Variants in IL12RB2 observed in about 807,000 individuals in gnomAD.
IL12RB2 encodes interleukin-12 receptor subunit beta-2.
A neutral mutation model predicts 89.4 loss-of-function variants in IL12RB2; 82 were observed. The ratio of observed to expected loss-of-function variants is 0.92; its 90% CI spans 0.77 to 1.10. IL12RB2 has a LOEUF of 1.10. Ranked by LOEUF, IL12RB2 falls within the 50% of genes least tolerant of loss-of-function variation. The pLI, the probability that IL12RB2 is intolerant of heterozygous loss-of-function variation, is 0.00. For synonymous variants in IL12RB2, 368 were observed against 370.1 expected (o/e 0.99, Z 0.07); for missense variants, 963 against 1,031.9 (o/e 0.93, Z 0.92).
intron 14 of IL12RB2, among the ~76,000 whole-genome samples, chr1:67,381,072 C>A (rs1362976848): frequency 6.6e-6 from 1 of 152,032 alleles, no homozygotes; most frequent in Non-Finnish European, 1.5e-5. Context: ...TTATACCTAC[C>A]CCATCCTACC....
At chr1:67,330,162 G>T (rs1461787807) in intron 7 of IL12RB2, among the ~76,000 whole-genome samples, 1 of 151,854 alleles carries the variant, frequency 6.6e-6, no homozygotes, top group Non-Finnish European at 1.5e-5. Context: ...AAAGGTATAG[G>T]ATTATGATTC....
chr1:67,312,301 T>C (rs1250103188), intron 1 of IL12RB2, among the ~76,000 whole-genome samples: 2 of 152,208 alleles, frequency 1.3e-5, no homozygotes, highest in Admixed American at 6.5e-5. Context: ...CGAAGCTTTA[T>C]TGAACACTTG....
intron 9 of IL12RB2, among the ~76,000 whole-genome samples, chr1:67,346,978 T>C (rs960388831): frequency 2.0e-5 from 3 of 152,210 alleles, no homozygotes; most frequent in African/African-American, 7.2e-5. Context: ...AGTCTTAACA[T>C]GTGCCAAGCA....
At chr1:67,366,097 T>A (rs1662632346) in intron 10 of IL12RB2, among the ~76,000 whole-genome samples, 1 of 151,990 alleles carries the variant, frequency 6.6e-6, no homozygotes, top group African/African-American at 2.4e-5. Flanking sequence ...GAATTGGCAG[T>A]TCATGGAAGG....
At chr1:67,342,209 GT>G (rs962799273) in intron 9 of IL12RB2, among the ~76,000 whole-genome samples, 78 of 150,580 alleles carry the variant, frequency 5.2e-4, no homozygotes, top group Admixed American at 1.3e-3. Flanking sequence ...TGTTTTTTGG[GT>G]TTTTTTTGTT....
intron 15 of IL12RB2, among the ~76,000 whole-genome samples, chr1:67,389,336 T>TA (rs1557479475): frequency 9.7e-5 from 10 of 102,772 alleles, no homozygotes; most frequent in Non-Finnish European, 1.2e-4. Flanking sequence ...AAGCATACTT[T>TA]TAAAAAAAAA....
At chr1:67,386,911 T>A (rs1665248435) in intron 15 of IL12RB2, among the ~76,000 whole-genome samples, 1 of 140,630 alleles carries the variant, frequency 7.1e-6, no homozygotes, top group Non-Finnish European at 1.5e-5. Flanking sequence ...TATATATATA[T>A]ATATATTCTT....
chr1:67,366,287 A>G (rs533185949), intron 10 of IL12RB2, among the ~76,000 whole-genome samples: 4 of 152,022 alleles, frequency 2.6e-5, no homozygotes, highest in South Asian at 2.1e-4. Context: ...CCTCGTCTCT[A>G]CCAAAAATAC....
intron 1 of IL12RB2, among the ~76,000 whole-genome samples, chr1:67,309,085 T>C (rs1042228421): frequency 2.0e-5 from 3 of 151,702 alleles, no homozygotes; most frequent in South Asian, 2.1e-4. Flanking sequence ...CACATATATA[T>C]ATAAAGAATA....
intron 13 of IL12RB2, among the ~76,000 whole-genome samples, chr1:67,374,472 T>C (rs1050163916): frequency 6.6e-6 from 1 of 151,982 alleles, no homozygotes; most frequent in Non-Finnish European, 1.5e-5. Flanking sequence ...ATGGTCTGTT[T>C]ATTCTTTTTT....
At chr1:67,353,902 G>T (rs1334618558) in intron 10 of IL12RB2, among the ~76,000 whole-genome samples, 1 of 152,108 alleles carries the variant, frequency 6.6e-6, no homozygotes, top group Non-Finnish European at 1.5e-5. Context: ...CCCATTCCAG[G>T]TTCCTTAGTT....
At chr1:67,390,453 TCC>T (rs1491559823) in intron 16 of IL12RB2, among the ~76,000 whole-genome samples, 1 of 133,736 alleles carries the variant, frequency 7.5e-6, no homozygotes, top group Non-Finnish European at 1.6e-5. Flanking sequence ...AAGCAAACTT[TCC>T]TTTTTTTTTT....
chr1:67,376,007 T>C (rs1663940902), intron 13 of IL12RB2, among the ~76,000 whole-genome samples: 2 of 151,962 alleles, frequency 1.3e-5, no homozygotes, highest in Admixed American at 1.3e-4. Flanking sequence ...CCACCAAGCC[T>C]GGCTAATTTT....
At chr1:67,340,825 A>G (rs1319169461) in intron 9 of IL12RB2, among the ~76,000 whole-genome samples, 1 of 152,084 alleles carries the variant, frequency 6.6e-6, no homozygotes, top group African/African-American at 2.4e-5. Context: ...CCCTGATTTT[A>G]TTTCTATCTT....
chr1:67,386,404 G>T lies in IL12RB2; in HGVS notation c.1856-175G>T, dbSNP rs1340142891. On this transcript the variant is annotated intron_variant, in intron 14 of 16. Coordinates refer to ENST00000674203, the MANE Select transcript of IL12RB2 (RefSeq NM_001374259.2). ...GAGCTCCTCTTGGAACCATAGAATT[G>T]GTCCCCTTAGGGTCCCATTTCCCGC... is the stretch of plus-strand genomic sequence containing the variant. 2.0e-5 allele frequency among the ~76,000 whole-genome samples: 3 copies of T among 151,958 alleles called. No homozygotes were observed. The highest frequency in any genetic ancestry group is 7.3e-5 in the African/African-American group (3 of 41,350).
At chr1:67,311,564 C>T (rs1418647106) in intron 1 of IL12RB2, among the ~76,000 whole-genome samples, 1 of 152,142 alleles carries the variant, frequency 6.6e-6, no homozygotes, top group Non-Finnish European at 1.5e-5. Flanking sequence ...ATGCTTTGCA[C>T]AGTGATAAAC....
At chr1:67,312,060 A>G (rs1655137176) in intron 1 of IL12RB2, among the ~76,000 whole-genome samples, 1 of 152,216 alleles carries the variant, frequency 6.6e-6, no homozygotes, top group African/African-American at 2.4e-5. Context: ...AAGAAAAGTT[A>G]GTGAAAGAGG....
chr1:67,363,816 T>A (rs1400253536), intron 10 of IL12RB2, among the ~76,000 whole-genome samples: 1 of 152,110 alleles, frequency 6.6e-6, no homozygotes, highest in East Asian at 1.9e-4. Flanking sequence ...AAAACCATTT[T>A]AAAAGAAATA....
chr1:67,342,047 C>T (rs911229224), intron 9 of IL12RB2, among the ~76,000 whole-genome samples: 1 of 152,162 alleles, frequency 6.6e-6, no homozygotes, highest in Non-Finnish European at 1.5e-5. Flanking sequence ...CACTCTCAGG[C>T]AGGCTTGGGA....
Sources: gnomAD v4.1 joint callset for allele counts (sites outside exome capture counted in the v4.1 genomes callset) on GRCh38, gnomAD v4.1.1 for gene constraint, MANE v1.5 for transcripts, NCBI Gene and HGNC (gene_info 2026-07-23, HGNC 2026-07-21) for gene names.